PRKN: variants seen among roughly 807,000 people sequenced by gnomAD.
PRKN encodes the protein parkin RBR E3 ubiquitin protein ligase.
A neutral mutation model predicts 59.5 loss-of-function variants in PRKN; 56 were observed. The observed-to-expected ratio is 0.94, with a 90% CI of 0.76 to 1.18. PRKN has a LOEUF of 1.18. Ranked by LOEUF, PRKN falls within the 50% of genes most tolerant of loss-of-function variation. The pLI, the probability that PRKN is intolerant of heterozygous loss-of-function variation, is 0.00. For synonymous variants in PRKN, 250 were observed against 222.1 expected (o/e 1.13, Z -1.12); for missense variants, 657 against 596.4 (o/e 1.10, Z -1.06).
In PRKN at chr6:162,325,548, G is replaced by C. The variant is rs117784585; in HGVS notation, c.172-62783C>G. Among the ~76,000 whole-genome samples the C allele has an allele frequency of 3.5e-4, 54 of 152,202 alleles. 1 individual carries two copies. Among genetic ancestry groups the C allele is most frequent in the Non-Finnish European group, 5.4e-4 (37 of 68,016 alleles). On this transcript the variant is annotated intron_variant, in intron 2 of 11. Coordinates refer to ENST00000366898, the MANE Select transcript of PRKN (RefSeq NM_004562.3). ...TACCACAACAAGATGGGGAAGCCCA[G>C]TCTGTAATCCAGCAGGACAGTGGAA...
chr6:162,640,735 A>G (rs765131780), intron 1 of PRKN, among the ~76,000 whole-genome samples: 6 of 152,188 alleles, frequency 3.9e-5, no homozygotes, highest in Admixed American at 6.5e-5. Context: ...AAGTTGTCTA[A>G]GCAATACCTG....
At chr6:161,574,294 A>G (rs1781047577) in intron 7 of PRKN, among the ~76,000 whole-genome samples, 1 of 152,144 alleles carries the variant, frequency 6.6e-6, no homozygotes, top group Non-Finnish European at 1.5e-5. Context: ...GGAAAACGTT[A>G]GCGGAGGGGG....
At chr6:161,926,356 TCA>T (rs1376329261) in intron 6 of PRKN, among the ~76,000 whole-genome samples, 4 of 152,206 alleles carry the variant, frequency 2.6e-5, no homozygotes, top group African/African-American at 9.7e-5. Flanking sequence ...AGTCGCAGAT[TCA>T]GTTTCATCTG....
intron 6 of PRKN, among the ~76,000 whole-genome samples, chr6:161,833,793 G>A (rs901619527): frequency 4.6e-5 from 7 of 152,146 alleles, no homozygotes; most frequent in Non-Finnish European, 1.0e-4. Context: ...AAGGGTATGT[G>A]GGAAGCAGCA....
chr6:161,770,235 C>T (rs1388523933), intron 7 of PRKN, among the ~76,000 whole-genome samples: 1 of 152,104 alleles, frequency 6.6e-6, no homozygotes, highest in Non-Finnish European at 1.5e-5. Flanking sequence ...CAAGGCGTGT[C>T]TTAGGAACAC....
At chr6:162,024,191 A>AT (rs1783325600) in intron 5 of PRKN, among the ~76,000 whole-genome samples, 3 of 96,322 alleles carry the variant, frequency 3.1e-5, no homozygotes, top group Non-Finnish European at 6.0e-5. Context: ...CCCTCCCCCA[A>AT]CCCTTTTTTT....
intron 1 of PRKN, among the ~76,000 whole-genome samples, chr6:162,646,141 G>A (rs1376068095): frequency 1.3e-5 from 2 of 151,836 alleles, no homozygotes; most frequent in African/African-American, 4.8e-5. Context: ...CAAAGTGCTG[G>A]GATTACAGGT....
At chr6:162,598,352 A>C (rs965675985) in intron 1 of PRKN, among the ~76,000 whole-genome samples, 3 of 152,272 alleles carry the variant, frequency 2.0e-5, no homozygotes, top group Middle Eastern at 6.8e-3. Context: ...CCAGCCATTC[A>C]ACAATATTTG....
chr6:161,975,673 T>A (rs191101668), intron 5 of PRKN, among the ~76,000 whole-genome samples: 69 of 152,232 alleles, frequency 4.5e-4, no homozygotes, highest in African/African-American at 1.7e-3. Context: ...GGGATTTTTG[T>A]GATTTCTGGG....
intron 4 of PRKN, among the ~76,000 whole-genome samples, chr6:162,193,757 A>C (rs905739388): frequency 5.3e-5 from 8 of 152,126 alleles, no homozygotes; most frequent in Non-Finnish European, 7.4e-5. Flanking sequence ...AAGTTCTAAA[A>C]TTTGATTATT....
intron 1 of PRKN, among the ~76,000 whole-genome samples, chr6:162,588,251 T>A (rs1053319795): frequency 6.6e-6 from 1 of 152,020 alleles, no homozygotes; most frequent in Non-Finnish European, 1.5e-5. Flanking sequence ...CCTCAAGTGA[T>A]CTGCCTGCCT....
chr6:162,244,481 T>G (rs1289139975), intron 3 of PRKN, among the ~76,000 whole-genome samples: 1 of 152,084 alleles, frequency 6.6e-6, no homozygotes, highest in East Asian at 1.9e-4. Context: ...TCTTGACAAA[T>G]TCAAATTATT....
At chr6:162,487,217 T>C (rs1792587489) in intron 1 of PRKN, among the ~76,000 whole-genome samples, 2 of 152,220 alleles carry the variant, frequency 1.3e-5, no homozygotes, top group South Asian at 4.1e-4. Flanking sequence ...GGGTTATTCC[T>C]GGGGTCAGCT....
chr6:162,021,457 ATATATTTTT>A (rs534074672), intron 5 of PRKN, among the ~76,000 whole-genome samples: 8,472 of 83,656 alleles, frequency 0.1, 328 homozygotes, highest in Middle Eastern at 0.12. Context: ...ATATATATAT[ATATATTTTT>A]TTTTTTTTTT....
rs1477285029 is a variant in PRKN at position 161,977,776 on chromosome 6, T to C, written c.619-4359A>G. Among the ~76,000 whole-genome samples the C allele has an allele frequency of 4.6e-5, 7 of 151,604 alleles. No individual in the cohort carries two copies. In the East Asian group the frequency reaches 1.4e-3, roughly 30 times the overall value. ...GTTAGCCAGGATGGTCTCAATCTCC[T>C]GACCTCGTGATCTGCCCACCTTGGC... On this transcript the variant is annotated intron_variant, in intron 5 of 11. Transcript: ENST00000366898.
chr6:161,540,668 G>GCCA (rs1779584783), intron 9 of PRKN, among the ~76,000 whole-genome samples: 1 of 152,152 alleles, frequency 6.6e-6, no homozygotes, highest in Non-Finnish European at 1.5e-5. Flanking sequence ...TGAATCCCAA[G>GCCA]TTGCTTCATA....
intron 6 of PRKN, among the ~76,000 whole-genome samples, chr6:161,787,935 G>T (rs1056909847): frequency 4.6e-5 from 7 of 152,216 alleles, no homozygotes; most frequent in African/African-American, 1.7e-4. Flanking sequence ...GTGAGGCTCT[G>T]CCTCAAAAAC....
intron 4 of PRKN, among the ~76,000 whole-genome samples, chr6:162,132,429 T>C (rs1781402061): frequency 6.6e-6 from 1 of 152,248 alleles, no homozygotes; most frequent in South Asian, 2.1e-4. Context: ...ATTCAGAGTC[T>C]CCTCCTAATA....
At chr6:162,530,274 T>G (rs1417246666) in intron 1 of PRKN, among the ~76,000 whole-genome samples, 1 of 152,152 alleles carries the variant, frequency 6.6e-6, no homozygotes, top group Non-Finnish European at 1.5e-5. Context: ...TTGTATCACT[T>G]GAGGAATAGC....
Sources: allele counts gnomAD v4.1 joint callset (sites outside exome capture counted in the v4.1 genomes callset), GRCh38; gene constraint gnomAD v4.1.1; transcripts MANE v1.5; gene names NCBI Gene and HGNC (gene_info 2026-07-23, HGNC 2026-07-21).